SLC4A4: variants seen among roughly 807,000 people sequenced by gnomAD.
SLC4A4 encodes electrogenic sodium bicarbonate cotransporter 1.
A neutral mutation model predicts 111.5 loss-of-function variants in SLC4A4; 27 were observed. The observed-to-expected ratio is 0.24, with a 90% confidence interval of 0.18 to 0.33. The LOEUF (loss-of-function observed/expected upper bound fraction) is 0.33. Among genes scored for constraint, SLC4A4 ranks in the 10% least tolerant of loss-of-function variants. The pLI is 1.00. For missense variants in SLC4A4, 909 were observed against 1,315.5 expected (o/e 0.69, Z 4.78); for synonymous variants, 443 against 463.4 (o/e 0.96, Z 0.57).
intron 3 of SLC4A4, among the ~76,000 whole-genome samples, chr4:71,305,401 C>T (rs1186102338): frequency 6.6e-6 from 1 of 152,156 alleles, no homozygotes; most frequent in Non-Finnish European, 1.5e-5. Flanking sequence ...TTAGCATGGC[C>T]TGACACAGTG....
chr4:71,566,574 T>C (rs1283994748), intron 24 of SLC4A4, among the ~76,000 whole-genome samples: 1 of 151,706 alleles, frequency 6.6e-6, no homozygotes, highest in African/African-American at 2.4e-5. Flanking sequence ...TTTATCTTTA[T>C]AATCCATGAT....
intron 2 of SLC4A4, among the ~76,000 whole-genome samples, chr4:71,115,105 A>G (rs1007150434): frequency 1.3e-5 from 2 of 148,988 alleles, no homozygotes; most frequent in African/African-American, 5.0e-5. Context: ...CAAACACCGC[A>G]TATTCTCCCT....
chr4:71,457,229 T>A (rs142619076), intron 12 of SLC4A4, among the ~76,000 whole-genome samples: 1 of 152,168 alleles, frequency 6.6e-6, no homozygotes, highest in Non-Finnish European at 1.5e-5. Flanking sequence ...TTGGGAGCTA[T>A]GTAGATTATT....
At chr4:71,245,304 G>A (rs1037804682) in intron 2 of SLC4A4, among the ~76,000 whole-genome samples, 1 of 152,216 alleles carries the variant, frequency 6.6e-6, no homozygotes, top group Non-Finnish European at 1.5e-5. Context: ...AAGCAAGGAA[G>A]TGATAAGACC....
chr4:71,176,940 T>A (rs140918320), intron 2 of SLC4A4, among the ~76,000 whole-genome samples: 2,022 of 152,308 alleles, frequency 0.013, 43 homozygotes, highest in African/African-American at 0.047. Context: ...AAGGTCGGGT[T>A]ACTCACAAAG....
chr4:71,388,145 T>C (rs1241785528), intron 6 of SLC4A4, among the ~76,000 whole-genome samples: 1 of 152,238 alleles, frequency 6.6e-6, no homozygotes, highest in Non-Finnish European at 1.5e-5. Flanking sequence ...AGTACTATTC[T>C]TTTCTCTTTC....
chr4:71,402,291 A>G (rs1459045107), intron 7 of SLC4A4, among the ~76,000 whole-genome samples: 4 of 152,188 alleles, frequency 2.6e-5, no homozygotes, highest in Admixed American at 6.5e-5. Context: ...CACATACATG[A>G]TATAGGAGTG....
chr4:71,339,878 G>T (rs1273831754), intron 4 of SLC4A4, among the ~76,000 whole-genome samples: 2 of 152,082 alleles, frequency 1.3e-5, no homozygotes, highest in East Asian at 1.9e-4. Flanking sequence ...CACATGCCAA[G>T]ATCTCTTGTG....
chr4:71,133,127 G>A (rs1743752315), intron 2 of SLC4A4, among the ~76,000 whole-genome samples: 1 of 152,164 alleles, frequency 6.6e-6, no homozygotes, highest in Non-Finnish European at 1.5e-5. Flanking sequence ...TTGGAAATGA[G>A]TGATAGCACT....
chr4:71,295,972 T>G (rs1724755102), intron 3 of SLC4A4, among the ~76,000 whole-genome samples: 1 of 152,152 alleles, frequency 6.6e-6, no homozygotes, highest in South Asian at 2.1e-4. Flanking sequence ...AGTCCTCCAT[T>G]TCTAAGGCAT....
chr4:71,549,816 C>T (rs1382680239), intron 20 of SLC4A4, among the ~76,000 whole-genome samples: 3 of 151,862 alleles, frequency 2.0e-5, no homozygotes, highest in African/African-American at 7.2e-5. Context: ...TTTTCTCACC[C>T]TGCACCCAAA....
chr4:71,087,675 T>G (rs1038266103), intron 1 of SLC4A4, among the ~76,000 whole-genome samples: 2 of 152,116 alleles, frequency 1.3e-5, no homozygotes, highest in Non-Finnish European at 2.9e-5. Context: ...CAGTAGTCAT[T>G]CAGGAGCAGG....
At chr4:71,075,512 C>T (rs528853274) in intron 1 of SLC4A4, among the ~76,000 whole-genome samples, 4 of 152,320 alleles carry the variant, frequency 2.6e-5, no homozygotes, top group Admixed American at 6.5e-5. Context: ...ATCAGCCACA[C>T]TGGCTTCTGC....
intron 18 of SLC4A4, among the ~76,000 whole-genome samples, chr4:71,539,201 A>C (rs1179631764): frequency 6.6e-6 from 1 of 152,050 alleles, no homozygotes; most frequent in African/African-American, 2.4e-5. Flanking sequence ...CTATAGACTC[A>C]GTCCTTTTAT....
At position 71,202,155 on chromosome 4, in the gene SLC4A4, T is replaced by C. The variant is rs551139383; in HGVS notation, c.-2+14754T>C. On this transcript the variant is annotated intron_variant, in intron 1 of 25. Coordinates refer to ENST00000264485, the MANE Select transcript of SLC4A4 (RefSeq NM_001098484.3). ...TAACCAATACATATAGCATTGACAG[T>C]TAAATTGCTTTATTTCTTAAACATT... Among the ~76,000 whole-genome samples, 6 of 152,350 alleles carry C rather than the reference T, an allele frequency of 3.9e-5. No individual in the cohort carries two copies. The South Asian group carries it at 1.2e-3, about 32-fold the overall frequency.
intron 2 of SLC4A4, among the ~76,000 whole-genome samples, chr4:71,156,568 G>A (rs1744471422): frequency 9.1e-5 from 1 of 11,010 alleles, no homozygotes; most frequent in South Asian, 2.1e-3. Context: ...AAGTGTGTGC[G>A]CGCATGCGCG....
chr4:71,485,922 TGG>T (rs1729351053), intron 14 of SLC4A4, among the ~76,000 whole-genome samples: 4 of 151,658 alleles, frequency 2.6e-5, no homozygotes, highest in African/African-American at 9.6e-5. Flanking sequence ...CCCTCCCTTA[TGG>T]ATCTCATACT....
At chr4:71,389,488 C>A (rs1180907606) in intron 6 of SLC4A4, among the ~76,000 whole-genome samples, 1 of 152,228 alleles carries the variant, frequency 6.6e-6, no homozygotes, top group Non-Finnish European at 1.5e-5. Flanking sequence ...CTCACATCCT[C>A]ATTCCTTCTT....
chr4:71,215,289 TTTTACTAAGAAC>T (rs1718359371), intron 1 of SLC4A4, among the ~76,000 whole-genome samples: 1 of 152,226 alleles, frequency 6.6e-6, no homozygotes, highest in Non-Finnish European at 1.5e-5. Flanking sequence ...TCTTGTTTTG[TTTTACTAAGAAC>T]TTTGTGTTCT....
Sources: gnomAD v4.1 joint callset for allele counts (sites outside exome capture counted in the v4.1 genomes callset) on GRCh38, gnomAD v4.1.1 for gene constraint, MANE v1.5 for transcripts, NCBI Gene and HGNC (gene_info 2026-07-23, HGNC 2026-07-21) for gene names.